Variants in EYS observed in about 807,000 individuals in gnomAD.
EYS encodes EGF-like photoreceptor maintenance factor.
In EYS, 250 loss-of-function variants were observed where a neutral mutation model predicts 282.1. That is an observed-to-expected ratio of 0.89 (90% CI 0.80 to 0.98). The LOEUF (loss-of-function observed/expected upper bound fraction) is 0.98. Among genes scored for constraint, EYS ranks in the 50% least tolerant of loss-of-function variants. The pLI is 0.00. For missense variants in EYS, 4,016 were observed against 3,709.0 expected (o/e 1.08, Z -2.15); for synonymous variants, 1,355 against 1,282.9 (o/e 1.06, Z -1.20).
intron 26 of EYS, among the ~76,000 whole-genome samples, chr6:64,538,240 AT>A (rs2149797418): frequency 6.6e-6 from 1 of 152,300 alleles, no homozygotes; most frequent in African/African-American, 2.4e-5. Context: ...TGGTTATCAA[AT>A]TTTTGTTTCC....
intron 5 of EYS, among the ~76,000 whole-genome samples, chr6:65,440,829 T>C (rs1397700574): frequency 6.8e-6 from 1 of 146,378 alleles, no homozygotes; most frequent in Admixed American, 6.9e-5. Context: ...TTCCTTTGTG[T>C]AGAAAAAAAA....
intron 2 of EYS, among the ~76,000 whole-genome samples, chr6:65,621,315 C>T (rs1210454484): frequency 1.3e-5 from 2 of 151,986 alleles, no homozygotes; most frequent in Non-Finnish European, 2.9e-5. Flanking sequence ...TAATGGCCTT[C>T]TTTGTCTCTT....
chr6:65,395,536 G>A (rs1766247807), intron 7 of EYS, among the ~76,000 whole-genome samples: 1 of 152,144 alleles, frequency 6.6e-6, no homozygotes, highest in Admixed American at 6.6e-5. Context: ...ATATGTGGGG[G>A]ATAGCAGGTA....
intron 1 of EYS, among the ~76,000 whole-genome samples, chr6:65,673,966 T>G (rs1235376340): frequency 6.6e-6 from 1 of 150,996 alleles, no homozygotes; most frequent in African/African-American, 2.4e-5. Flanking sequence ...AGGGAGGGGG[T>G]GCAAAACTAA....
intron 2 of EYS, among the ~76,000 whole-genome samples, chr6:65,547,575 T>C (rs1282695227): frequency 6.6e-6 from 1 of 152,138 alleles, no homozygotes; most frequent in Non-Finnish European, 1.5e-5. Flanking sequence ...CTGTATTGTA[T>C]TGGGATTATT....
chr6:64,302,959 G>A (rs758463763), intron 30 of EYS, among the ~76,000 whole-genome samples: 1 of 152,028 alleles, frequency 6.6e-6, no homozygotes, highest in Non-Finnish European at 1.5e-5. Context: ...ACCATACCAT[G>A]GCATGGCTAG....
intron 26 of EYS, among the ~76,000 whole-genome samples, chr6:64,537,019 T>A (rs6415036): frequency 0.54 from 81,419 of 151,166 alleles, 22,159 homozygotes; most frequent in South Asian, 0.65. Context: ...GTTTTTTTTT[T>A]ATTATACTTT....
At chr6:64,267,613 T>G (rs2150355912) in intron 30 of EYS, among the ~76,000 whole-genome samples, 2 of 152,192 alleles carry the variant, frequency 1.3e-5, no homozygotes, top group African/African-American at 4.8e-5. Flanking sequence ...ATTAAAAATC[T>G]TGAAACAGAA....
At chr6:64,686,789 G>GTGTATATATATATATA in intron 22 of EYS, among the ~76,000 whole-genome samples, 1 of 12,202 alleles carries the variant, frequency 8.2e-5, no homozygotes, top group African/African-American at 1.3e-4. Context: ...ATATATATAT[G>GTGTATATATATATATA]TGTGTATATA....
chr6:64,521,755 A>G (rs1016273442), intron 26 of EYS, among the ~76,000 whole-genome samples: 1 of 151,780 alleles, frequency 6.6e-6, no homozygotes, highest in Non-Finnish European at 1.5e-5. Flanking sequence ...TTTTTGTAGT[A>G]ACATATTTTA....
chr6:64,307,181 T>G (rs2150376102), intron 29 of EYS, 99 bp from the exon 30 acceptor site: 1 of 609,530 alleles, frequency 1.6e-6, no homozygotes, highest in South Asian at 2.1e-5. Flanking sequence ...CAACTGGATT[T>G]GGAGGCTGAT....
At chr6:63,955,315 C>T (rs534417876) in intron 35 of EYS, among the ~76,000 whole-genome samples, 6 of 152,148 alleles carry the variant, frequency 3.9e-5, no homozygotes, top group Non-Finnish European at 7.3e-5. Context: ...TTACACTTTT[C>T]CTCCAAACCA....
intron 36 of EYS, among the ~76,000 whole-genome samples, chr6:63,823,193 C>T (rs1037493926): frequency 6.6e-6 from 1 of 152,158 alleles, no homozygotes; most frequent in Non-Finnish European, 1.5e-5. Context: ...TTTTCTCCCC[C>T]CTACAGGCAT....
chr6:64,912,687 C>T lies in EYS; in HGVS notation c.2438G>A (p.Cys813Tyr). Residue 813 changes from cysteine to tyrosine, a missense_variant, in exon 16 of 43, where the codon TGC becomes TAC. Physicochemically the swap from Cys to Tyr is radical, Grantham distance 194. Transcript: ENST00000503581. The part of the protein sequence containing the change: ...GQNCSEEINE[C>Y]DSDPCMNGGL... ...TCCATTCATGCATGGATCAGAGTCG[C>T]ATTCATTTATTTCTTCACTACAGTT... 6.6e-7 allele frequency: 1 copy of T among 1,524,462 alleles called. No homozygotes were observed. Among genetic ancestry groups the T allele is most frequent in the Non-Finnish European group, 8.8e-7 (1 of 1,130,050 alleles). The allele number at this position is 1,524,462 out of a possible 1,614,324, so 94.4% of individuals were successfully genotyped here.
chr6:65,649,055 A>G (rs930504035), intron 1 of EYS, among the ~76,000 whole-genome samples: 1 of 148,122 alleles, frequency 6.8e-6, no homozygotes, highest in African/African-American at 2.5e-5. Context: ...CTGAGGCAGG[A>G]GAATCACTTG....
chr6:65,270,942 C>G (rs1334298908), intron 12 of EYS, among the ~76,000 whole-genome samples: 1 of 151,228 alleles, frequency 6.6e-6, no homozygotes, highest in African/African-American at 2.4e-5. Flanking sequence ...GAGCCCTCAC[C>G]AGAATTGTCT....
intron 35 of EYS, among the ~76,000 whole-genome samples, chr6:63,919,781 C>T (rs184314350): frequency 6.6e-6 from 1 of 152,344 alleles, no homozygotes; most frequent in East Asian, 1.9e-4. Context: ...TACACTCACC[C>T]CAGGAGCTTT....
At chr6:65,181,867 A>G (rs1465960874) in intron 12 of EYS, among the ~76,000 whole-genome samples, 1 of 152,182 alleles carries the variant, frequency 6.6e-6, no homozygotes, top group African/African-American at 2.4e-5. Context: ...ACCATGGAAT[A>G]CTATGCAGCC....
chr6:65,212,682 G>T (rs1179134440), intron 12 of EYS, among the ~76,000 whole-genome samples: 1 of 152,094 alleles, frequency 6.6e-6, no homozygotes, highest in Non-Finnish European at 1.5e-5. Context: ...CTACTAGACA[G>T]TGCTGTTCTA....
Sources: gnomAD v4.1 joint callset for allele counts (sites outside exome capture counted in the v4.1 genomes callset) on GRCh38, gnomAD v4.1.1 for gene constraint, MANE v1.5 for transcripts, NCBI Gene and HGNC (gene_info 2026-07-23, HGNC 2026-07-21) for gene names.